The following BRD9 variants were observed in gnomAD, a reference collection of about 807,000 sequenced individuals.
BRD9 encodes the protein bromodomain-containing protein 9.
In BRD9, 47 loss-of-function variants were observed where a neutral mutation model predicts 68.7. The ratio of observed to expected loss-of-function variants is 0.68; its 90% CI spans 0.54 to 0.87. The LOEUF (loss-of-function observed/expected upper bound fraction) is 0.87. Ranked by LOEUF, BRD9 falls within the 40% of genes least tolerant of loss-of-function variation. The pLI, the probability that BRD9 is intolerant of heterozygous loss-of-function variation, is 0.00. For missense variants in BRD9, 670 were observed against 748.4 expected, an observed-to-expected ratio of 0.90 and a Z score of 1.22; for synonymous variants, 313 against 293.9, an observed-to-expected ratio of 1.06 and a Z score of -0.67.
chr5:865,364 C>T, intron 15 of BRD9, 50 bp downstream of exon 15: 3 of 1,515,832 alleles, frequency 2.0e-6, no homozygotes, highest in Non-Finnish European at 2.7e-6. Context: ...AGACGTCACA[C>T]TGACTGTGCT....
intron 13 of BRD9, 136 bp from the exon 14 acceptor site, chr5:870,711 C>T: frequency 1.6e-6 from 1 of 620,856 alleles, no homozygotes; most frequent in Non-Finnish European, 2.9e-6. Flanking sequence ...CAAGACCAAG[C>T]CCTGTTCACT....
chr5:875,576 C>T lies in BRD9; in HGVS notation c.1383+525G>A, dbSNP rs564127621. On this transcript the variant is annotated intron_variant, in intron 12 of 15. Transcript: ENST00000467963. ...TGTTAGCCAGGATGGTCTCGACCTC[C>T]TGACCTTGGATCTGCCCGCCTCGGC... 9.1e-4 allele frequency among the ~76,000 whole-genome samples: 138 copies of T among 152,272 alleles called. 1 individual carries two copies. Among genetic ancestry groups the T allele is most frequent in the African/African-American group, 3.2e-3 (135 of 41,548 alleles).
chr5:871,450 C>T, intron 13 of BRD9, 76 bp downstream of exon 13: 1 of 1,351,754 alleles, frequency 7.4e-7, no homozygotes, highest in Non-Finnish European at 1.1e-6. Context: ...ACACAGACCT[C>T]CCCACCTCAA....
intron 3 of BRD9, among the ~76,000 whole-genome samples, chr5:890,549 TTC>T (rs1334735524): frequency 6.6e-6 from 1 of 152,256 alleles, no homozygotes; most frequent in Non-Finnish European, 1.5e-5. Context: ...AATGCCATCC[TTC>T]GCAGATGGTG....
At chr5:872,592 C>G (rs572690594) in intron 12 of BRD9, among the ~76,000 whole-genome samples, 4 of 152,182 alleles carry the variant, frequency 2.6e-5, no homozygotes, top group African/African-American at 4.8e-5. Context: ...GTCAGAACCA[C>G]GAGCTGGTGG....
chr5:881,196 C>A lies in BRD9; in HGVS notation c.967-14G>T. 1 of 1,613,372 alleles carries A rather than the reference C, an allele frequency of 6.2e-7. No homozygotes were observed. The highest frequency in any genetic ancestry group is 8.5e-7 in the Non-Finnish European group (1 of 1,179,732). ...CAGATAGCCCATCTGGAAGGAAGCA[C>A]TGCCTGAGCGTCTGTCCCTCAGGAG... On this transcript the variant is annotated splice_polypyrimidine_tract_variant and intron_variant, in intron 8 of 15. Transcript: ENST00000467963.
intron 12 of BRD9, among the ~76,000 whole-genome samples, chr5:872,272 T>G (rs1750261081): frequency 6.6e-6 from 1 of 152,238 alleles, no homozygotes; most frequent in Non-Finnish European, 1.5e-5. Context: ...AGCTTTTAAT[T>G]AGAAAATGAA....
intron 4 of BRD9, 103 bp from the exon 5 acceptor site, chr5:889,268 T>C (rs998656030): frequency 1.6e-6 from 2 of 1,260,774 alleles, no homozygotes; most frequent in Non-Finnish European, 2.2e-6. Flanking sequence ...TTTTGTTTCT[T>C]AAAAATAAAA....
intron 7 of BRD9, among the ~76,000 whole-genome samples, chr5:885,273 T>C (rs1316717606): frequency 6.6e-6 from 1 of 152,170 alleles, no homozygotes; most frequent in Non-Finnish European, 1.5e-5. Flanking sequence ...GGGACTGTCG[T>C]CCGTTGCCAA....
At chr5:887,585 TTC>T in intron 5 of BRD9, 114 bp from the exon 6 acceptor site, 4 of 796,688 alleles carry the variant, frequency 5.0e-6, no homozygotes, top group Non-Finnish European at 8.5e-6. Context: ...TAGAAAACAA[TTC>T]AACTGGGCTC....
At chr5:867,006 A>G (rs1032400658) in intron 14 of BRD9, among the ~76,000 whole-genome samples, 48 of 152,352 alleles carry the variant, frequency 3.2e-4, no homozygotes, top group African/African-American at 1.1e-3. Flanking sequence ...ACCTTTGCCC[A>G]GACACTGCCA....
intron 8 of BRD9, chr5:883,110 C>G (rs985241051): frequency 8.3e-6 from 3 of 361,054 alleles, no homozygotes; most frequent in African/African-American, 2.1e-5. Context: ...ACGCAGACCG[C>G]AACCTCGCAA....
chr5:887,518 C>A, intron 5 of BRD9, 47 bp from the exon 6 acceptor site: 1 of 1,438,174 alleles, frequency 7.0e-7, no homozygotes, highest in Non-Finnish European at 9.8e-7. Context: ...ATGCCACAGA[C>A]AACAGCAAAG....
At chr5:884,640 G>A (rs955478416) in intron 7 of BRD9, among the ~76,000 whole-genome samples, 2 of 152,262 alleles carry the variant, frequency 1.3e-5, no homozygotes, top group African/African-American at 4.8e-5. Flanking sequence ...GAGTGTGGAA[G>A]GTTCTAGAAG....
At chr5:873,824 G>A (rs537665731) in intron 12 of BRD9, among the ~76,000 whole-genome samples, 10 of 152,206 alleles carry the variant, frequency 6.6e-5, no homozygotes, top group African/African-American at 9.6e-5. Flanking sequence ...TGAGCCAAAC[G>A]TTCTCAGAGC....
chr5:879,724 CCAT>C, intron 10 of BRD9, 67 bp downstream of exon 10: 1 of 528,014 alleles, frequency 1.9e-6, no homozygotes, highest in Non-Finnish European at 3.4e-6. Flanking sequence ...GCAGCATTTG[CCAT>C]CACTCCACTA....
At chr5:885,417 A>G (rs774478270) in intron 7 of BRD9, among the ~76,000 whole-genome samples, 1 of 152,212 alleles carries the variant, frequency 6.6e-6, no homozygotes, top group Non-Finnish European at 1.5e-5. Context: ...CGAGCCCAGC[A>G]CCGCTGCCGC....
chr5:883,724 A>C lies in BRD9; in HGVS notation c.966+214T>G, dbSNP rs916812633. On this transcript the variant is annotated intron_variant, in intron 8 of 15. Transcript: ENST00000467963. ...AGTGACCACGTGGCCTCCACGATGC[A>C]TGAAACACCAGCGGCAGCCCTGCCA... 19 of 639,552 alleles carry C rather than the reference A, an allele frequency of 3.0e-5. No homozygotes were observed. The African/African-American group carries it at 3.5e-4, about 12-fold the overall frequency. The allele number at this position is 639,552 out of a possible 1,614,324, so 39.6% of individuals were successfully genotyped here.
intron 2 of BRD9, 64 bp downstream of exon 2, chr5:891,576 T>C (rs1445065034): frequency 3.9e-6 from 6 of 1,526,864 alleles, no homozygotes; most frequent in African/African-American, 2.8e-5. Context: ...GCCTGGGTCC[T>C]GGGACCAGGC....
Sources: allele counts gnomAD v4.1 joint callset (sites outside exome capture counted in the v4.1 genomes callset), GRCh38; gene constraint gnomAD v4.1.1; transcripts MANE v1.5; gene names NCBI Gene and HGNC (gene_info 2026-07-23, HGNC 2026-07-21).